Variants in HPSE2 observed in about 807,000 individuals in gnomAD.
HPSE2 encodes heparanase 2 (inactive), also known as inactive heparanase-2.
HPSE2 carries 38 observed loss-of-function variants against 60.5 expected under a neutral mutation model. The ratio of observed to expected loss-of-function variants is 0.63; its 90% CI spans 0.48 to 0.82. The LOEUF is 0.82. Among genes scored for constraint, HPSE2 ranks in the 40% least tolerant of loss-of-function variants. The pLI is 0.00. For missense variants in HPSE2, 713 were observed against 740.4 expected (o/e 0.96, Z 0.43); for synonymous variants, 295 against 293.2 (o/e 1.01, Z -0.06).
intron 3 of HPSE2, among the ~76,000 whole-genome samples, chr10:99,011,790 T>C (rs1292227180): frequency 6.8e-6 from 1 of 146,188 alleles, no homozygotes; most frequent in African/African-American, 2.5e-5. Context: ...TAAGCAAGCA[T>C]AAAGAGTATT....
intron 3 of HPSE2, among the ~76,000 whole-genome samples, chr10:98,776,743 G>T (rs1438733886): frequency 6.6e-6 from 1 of 151,268 alleles, no homozygotes; most frequent in African/African-American, 2.4e-5. Context: ...TAGTGGGTGG[G>T]AATAGCCAGC....
intron 2 of HPSE2, among the ~76,000 whole-genome samples, chr10:99,211,536 C>T (rs903978584): frequency 1.3e-5 from 2 of 151,958 alleles, no homozygotes; most frequent in Admixed American, 6.6e-5. Context: ...GGAACAGAAC[C>T]GAGACGCCAG....
chr10:98,760,267 T>C (rs370534482), intron 3 of HPSE2, among the ~76,000 whole-genome samples: 13 of 152,182 alleles, frequency 8.5e-5, no homozygotes, highest in African/African-American at 3.1e-4. Flanking sequence ...AATTTGTTTA[T>C]GATTTAGCCT....
chr10:99,034,050 C>T (rs1957556864), intron 3 of HPSE2, among the ~76,000 whole-genome samples: 1 of 152,128 alleles, frequency 6.6e-6, no homozygotes, highest in South Asian at 2.1e-4. Flanking sequence ...CAACTTTATT[C>T]ATGACTGCAA....
intron 3 of HPSE2, among the ~76,000 whole-genome samples, chr10:98,798,802 C>T (rs994938396): frequency 1.3e-5 from 2 of 151,644 alleles, no homozygotes; most frequent in Admixed American, 1.3e-4. Context: ...AAAAGAAATA[C>T]AAGAAGGAAG....
the HPSE2 span, among the ~76,000 whole-genome samples, chr10:99,294,310 G>A: frequency 1.4e-5 from 2 of 147,696 alleles, no homozygotes; most frequent in South Asian, 2.1e-4. Context: ...AGAGAGATGA[G>A]CTGTGCTATA....
chr10:99,049,388 C>T (rs986090897), intron 3 of HPSE2, among the ~76,000 whole-genome samples: 1 of 151,862 alleles, frequency 6.6e-6, no homozygotes, highest in Non-Finnish European at 1.5e-5. Context: ...ATCTCCAAAA[C>T]GATAAAATAT....
rs140532623 is a variant in HPSE2 at position 98,626,417 on chromosome 10, G to A, written c.1099-5709C>T. Among the ~76,000 whole-genome samples the A allele has an allele frequency of 1.8e-3, 273 of 151,968 alleles. 2 individuals carry two copies. The highest frequency in any genetic ancestry group is 0.01 in the East Asian group (53 of 5,170). On this transcript the variant is annotated intron_variant, in intron 7 of 11. Transcript: ENST00000370552. ...CATTCATTCATTTATTTTCCAACCC[G>A]CTTATACCAGTTCAGGGTTGAGAGT...
chr10:99,134,971 C>A (rs574713522), intron 3 of HPSE2, among the ~76,000 whole-genome samples: 1 of 152,096 alleles, frequency 6.6e-6, no homozygotes, highest in Non-Finnish European at 1.5e-5. Context: ...TCAGGAGACC[C>A]AGCCCACCTG....
rs1022633068 is a variant in HPSE2 at position 98,507,758 on chromosome 10, CCTT to C, written c.1321-17565_1321-17563del. On this transcript the variant is annotated intron_variant, in intron 9 of 11. Coordinates refer to ENST00000370552, the MANE Select transcript of HPSE2 (RefSeq NM_021828.5). ...TCACCTCCTTCCTCCCTTTGTTCCTCCTTCTTCTCTTCTTTCCTTCCCTTCTTC... is the reference window on the plus strand; with the variant it reads ...TCACCTCCTTCCTCCCTTTGTTCCTCCTTCTCTTCTTTCCTTCCCTTCTTC... Among the ~76,000 whole-genome samples, 9 of 152,240 alleles carry C rather than the reference CCTT, an allele frequency of 5.9e-5. No homozygotes were observed. The South Asian group carries it at 1.7e-3, about 28-fold the overall frequency.
At chr10:98,499,796 A>C (rs190309261) in intron 9 of HPSE2, among the ~76,000 whole-genome samples, 2 of 152,310 alleles carry the variant, frequency 1.3e-5, no homozygotes, top group East Asian at 3.9e-4. Flanking sequence ...CTAACACATA[A>C]GGACTCACAT....
chr10:99,045,122 A>G (rs1035646437), intron 3 of HPSE2, among the ~76,000 whole-genome samples: 2 of 152,214 alleles, frequency 1.3e-5, no homozygotes, highest in African/African-American at 4.8e-5. Flanking sequence ...GTCATAAACC[A>G]AACTTCAATA....
chr10:99,216,047 G>T (rs1003392453), intron 2 of HPSE2, among the ~76,000 whole-genome samples: 4 of 152,144 alleles, frequency 2.6e-5, no homozygotes, highest in African/African-American at 9.7e-5. Flanking sequence ...ACTTCCAGAA[G>T]AAAATACGTT....
chr10:98,671,529 C>CTGAT (rs10667359), intron 6 of HPSE2, among the ~76,000 whole-genome samples: 149,454 of 152,226 alleles, frequency 0.98, 73,421 homozygotes, highest in East Asian at 1. Flanking sequence ...CACTTATCAA[C>CTGAT]TAAGAACAAT....
chr10:98,582,159 C>G (rs1944817265), intron 9 of HPSE2, among the ~76,000 whole-genome samples: 1 of 152,186 alleles, frequency 6.6e-6, no homozygotes, highest in Admixed American at 6.5e-5. Flanking sequence ...AGAGTTATTT[C>G]AACTCTGTCA....
intron 6 of HPSE2, among the ~76,000 whole-genome samples, chr10:98,644,650 G>C (rs574193103): frequency 1.1e-4 from 17 of 152,332 alleles, no homozygotes; most frequent in African/African-American, 3.4e-4. Context: ...TACTAGGACT[G>C]CTTCACTGCA....
chr10:98,667,826 T>C (rs985697840), intron 6 of HPSE2, among the ~76,000 whole-genome samples: 7 of 152,094 alleles, frequency 4.6e-5, no homozygotes, highest in African/African-American at 1.7e-4. Flanking sequence ...CAACATCATA[T>C]TGAATGCGGA....
At chr10:98,912,597 G>A (rs540245067) in intron 3 of HPSE2, among the ~76,000 whole-genome samples, 1 of 152,264 alleles carries the variant, frequency 6.6e-6, no homozygotes, top group East Asian at 1.9e-4. Context: ...ATACACAATG[G>A]AGTACTATTC....
At chr10:98,726,256 G>C (rs748581939) in intron 4 of HPSE2, among the ~76,000 whole-genome samples, 16 of 152,146 alleles carry the variant, frequency 1.1e-4, no homozygotes, top group East Asian at 1.9e-4. Flanking sequence ...CAATGATAGA[G>C]TGGATTAAGA....
Sources: gnomAD v4.1 joint callset for allele counts (sites outside exome capture counted in the v4.1 genomes callset) on GRCh38, gnomAD v4.1.1 for gene constraint, MANE v1.5 for transcripts, NCBI Gene and HGNC (gene_info 2026-07-23, HGNC 2026-07-21) for gene names.